The following KMT2E variants were observed in gnomAD, a reference collection of about 807,000 sequenced individuals.
KMT2E encodes lysine methyltransferase 2E (inactive).
A neutral mutation model predicts 184.6 loss-of-function variants in KMT2E; 30 were observed. That is an observed-to-expected ratio of 0.16 (90% CI 0.12 to 0.22). The LOEUF is 0.22. Ranked by LOEUF, KMT2E falls within the 10% of genes least tolerant of loss-of-function variation. The pLI is 1.00. For synonymous variants in KMT2E, 815 were observed against 776.5 expected, an observed-to-expected ratio of 1.05 and a Z score of -0.82; for missense variants, 2,023 against 2,237.4, an observed-to-expected ratio of 0.90 and a Z score of 1.93.
rs769889726 is a variant in KMT2E, at chr7:105,074,820, G to A, written c.729+5G>A. 4.0e-5 allele frequency: 64 copies of A among 1,589,992 alleles called. No individual in the cohort carries two copies. Among genetic ancestry groups the A allele is most frequent in the South Asian group, 3.1e-4 (27 of 86,966 alleles). ...CACATTTCAAAATGTAAAAAGGTAC[G>A]TTTTTGCTTGTTTTTAGGTGAGTGG... On this transcript the variant is annotated splice_donor_5th_base_variant and intron_variant, in intron 8 of 26. Coordinates refer to ENST00000311117, the MANE Select transcript of KMT2E (RefSeq NM_182931.3).
intron 3 of KMT2E, among the ~76,000 whole-genome samples, chr7:105,050,181 C>A (rs993578747): frequency 6.6e-6 from 1 of 152,208 alleles, no homozygotes; most frequent in African/African-American, 2.4e-5. Flanking sequence ...TTGCACAACA[C>A]TACTATAACC....
Position 105,062,278 on chromosome 7 carries a change from G to A in KMT2E, c.186G>A (p.Ala62=). 6.3e-7 allele frequency: 1 copy of A among 1,593,426 alleles called. No individual in the cohort carries two copies. Among genetic ancestry groups the A allele is most frequent in the Non-Finnish European group, 8.6e-7 (1 of 1,163,946 alleles). Reference sequence around the variant, plus strand: ...ACAGTTACATTGGTTTGCCCTATGCGGTAAGTGTTAAACACTTCTTTGAAA... The same window carrying A: ...ACAGTTACATTGGTTTGCCCTATGCAGTAAGTGTTAAACACTTCTTTGAAA... ...HSHSYIGLPY[A]DHNYGARPPP... The change falls in exon 4 of 27, where the codon GCG becomes GCA. Residue 62 remains alanine (A), a splice_region_variant and synonymous_variant. Coordinates refer to ENST00000311117, the MANE Select transcript of KMT2E (RefSeq NM_182931.3).
intron 6 of KMT2E, among the ~76,000 whole-genome samples, chr7:105,067,560 A>C (rs550833699): frequency 4.6e-5 from 7 of 152,212 alleles, no homozygotes; most frequent in African/African-American, 1.7e-4. Context: ...CTCCCTTTAC[A>C]TGTTGTTTTA....
Position 105,041,003 on chromosome 7 carries a change from G to A in KMT2E, c.51G>A (p.Leu17=). 1 of 1,605,434 alleles carries A rather than the reference G, an allele frequency of 6.2e-7. No individual in the cohort carries two copies. Among genetic ancestry groups the A allele is most frequent in the Non-Finnish European group, 8.5e-7 (1 of 1,175,998 alleles). ...LGVDTAETSY[L]EMAAGSEPES... Reference sequence around the variant, plus strand: ...TTGATACAGCAGAGACGTCATACTTGGAAATGGCTGCAGGTTCAGAGTAAG... The same window carrying A: ...TTGATACAGCAGAGACGTCATACTTAGAAATGGCTGCAGGTTCAGAGTAAG... The change falls in exon 3 of 27, where the codon TTG becomes TTA. Residue 17 remains leucine (L), a synonymous_variant. Transcript: ENST00000311117.
rs531732011 is a variant in KMT2E, at chr7:105,027,519, A to G, written c.-188-10607A>G. ...TTTGAAGTTCAAGGCAGGCTACTCT[A>G]AAAGCTCATGTGTGTTTGCATACTG... is the stretch of plus-strand genomic sequence containing the variant. On this transcript the variant is annotated intron_variant, in intron 1 of 26. Transcript: ENST00000311117. Among the ~76,000 whole-genome samples, 17 of 152,280 alleles carry G rather than the reference A, an allele frequency of 1.1e-4. No individual in the cohort carries two copies. In the South Asian group the frequency reaches 3.5e-3, roughly 32 times the overall value.
Position 105,107,354 on chromosome 7 carries a change from G to A in KMT2E, c.2905-8G>A. ...TTTGTGTAATTTTTTTTTTTAATTT[G>A]TAAACAGGGATATGACAGATCTTCA... On this transcript the variant is annotated splice_polypyrimidine_tract_variant and splice_region_variant and intron_variant, in intron 21 of 26. Coordinates refer to ENST00000311117, the MANE Select transcript of KMT2E (RefSeq NM_182931.3). 6.5e-7 allele frequency: 1 copy of A among 1,542,414 alleles called. No homozygotes were observed. Among genetic ancestry groups the A allele is most frequent in the Non-Finnish European group, 8.7e-7 (1 of 1,146,738 alleles).
chr7:105,014,576 G>A (rs1794628853), intron 1 of KMT2E, 41 bp downstream of exon 1: 2 of 152,206 alleles, frequency 1.3e-5, no homozygotes, highest in African/African-American at 4.8e-5. Context: ...TGGGGCTTGC[G>A]GGGTTGGGGT....
intron 1 of KMT2E, among the ~76,000 whole-genome samples, chr7:105,020,977 A>G (rs1200137925): frequency 6.6e-6 from 1 of 152,246 alleles, no homozygotes; most frequent in Non-Finnish European, 1.5e-5. Flanking sequence ...TCAGAGACTA[A>G]TATATGTAAT....
In KMT2E at chr7:105,014,268, G is replaced by T; in HGVS notation, c.-456G>T. The T allele has an allele frequency of 5.7e-6, 1 of 174,270 alleles. No homozygotes were observed. Among genetic ancestry groups the T allele is most frequent in the South Asian group, 1.3e-4 (1 of 7,770 alleles). 10.8% of individuals were successfully genotyped at this position (174,270 alleles called of 1,614,324 possible). On this transcript the variant is annotated 5_prime_UTR_variant, in exon 1 of 27. Coordinates refer to ENST00000311117, the MANE Select transcript of KMT2E (RefSeq NM_182931.3). ...CGAGTCGGAGACCGTGCCGGAGTTC[G>T]GGAGCGGCAACAGAGTGGGCATAGA...
chr7:105,015,691 G>C (rs956317220), intron 1 of KMT2E, among the ~76,000 whole-genome samples: 1 of 152,090 alleles, frequency 6.6e-6, no homozygotes, highest in Non-Finnish European at 1.5e-5. Context: ...CCAGGCTGAT[G>C]TTGTGGTAAT....
rs539315862 is a variant in KMT2E, at chr7:105,078,489, G to A, written c.1131-357G>A. Among the ~76,000 whole-genome samples, 5 of 151,828 alleles carry A rather than the reference G, an allele frequency of 3.3e-5. No homozygotes were observed. In the South Asian group the frequency reaches 8.3e-4, roughly 25 times the overall value. On this transcript the variant is annotated intron_variant, in intron 11 of 26. Coordinates refer to ENST00000311117, the MANE Select transcript of KMT2E (RefSeq NM_182931.3). ...TGCCTCTGAAGAGTAACAGATTATTGTCCTAAAATGTTGACTTTTGTTTGT... is the reference window on the plus strand; with the variant it reads ...TGCCTCTGAAGAGTAACAGATTATTATCCTAAAATGTTGACTTTTGTTTGT...
At chr7:105,050,202 T>A (rs923588300) in intron 3 of KMT2E, among the ~76,000 whole-genome samples, 1 of 152,238 alleles carries the variant, frequency 6.6e-6, no homozygotes, top group Non-Finnish European at 1.5e-5. Flanking sequence ...TCCTGTGTTG[T>A]CAAACTAATT....
At chr7:105,021,138 C>T (rs1459328286) in intron 1 of KMT2E, among the ~76,000 whole-genome samples, 3 of 152,170 alleles carry the variant, frequency 2.0e-5, no homozygotes, top group Non-Finnish European at 4.4e-5. Context: ...CATGATGTGA[C>T]TAATTTGAAT....
At position 105,113,307 on chromosome 7, in the gene KMT2E, A is replaced by G. The variant is rs2129570305; in HGVS notation, c.5551A>G (p.Asn1851Asp). 2 of 1,612,732 alleles carry G rather than the reference A, an allele frequency of 1.2e-6. No homozygotes were observed. The highest frequency in any genetic ancestry group is 1.7e-6 in the Non-Finnish European group (2 of 1,178,878). Reference sequence around the variant, plus strand: ...ACAGGTGCCACCAACATTTCAAAACAATTACCATGGGTCAGGGTGGCATTA... The same window carrying G: ...ACAGGTGCCACCAACATTTCAAAACGATTACCATGGGTCAGGGTGGCATTA... ...RAQVPPTFQNNYHGSGWH is the reference protein window; with the variant it reads ...RAQVPPTFQNDYHGSGWH Residue 1851 changes from asparagine to aspartate, a missense_variant, in exon 27 of 27, where the codon AAT (asparagine) becomes GAT (aspartate). Around this residue, in one of 8 missense-constraint regions of KMT2E, gnomAD observed 1,108 missense variants for 1,050.9 expected, o/e 1.05. Coordinates refer to ENST00000311117, the MANE Select transcript of KMT2E (RefSeq NM_182931.3).
chr7:105,067,496 C>A lies in KMT2E; in HGVS notation c.497+689C>A, dbSNP rs1163634529. ...ATAATAAACTCACATTTCCACCACC[C>A]TACCTCAGTAATTATCGACATTCTT... On this transcript the variant is annotated intron_variant, in intron 6 of 26. Coordinates refer to ENST00000311117, the MANE Select transcript of KMT2E (RefSeq NM_182931.3). Among the ~76,000 whole-genome samples, 3 of 152,224 alleles carry A rather than the reference C, an allele frequency of 2.0e-5. No individual in the cohort carries two copies. The South Asian group carries it at 6.2e-4, about 32-fold the overall frequency.
intron 15 of KMT2E, among the ~76,000 whole-genome samples, chr7:105,096,119 G>A: frequency 6.6e-6 from 1 of 151,872 alleles, no homozygotes; most frequent in East Asian, 1.9e-4. Flanking sequence ...GCCAGGCATG[G>A]TGGCACATGC....
At chr7:105,025,307 A>G (rs981645347) in intron 1 of KMT2E, among the ~76,000 whole-genome samples, 2 of 152,116 alleles carry the variant, frequency 1.3e-5, no homozygotes, top group African/African-American at 4.8e-5. Context: ...AATAGAGCCT[A>G]TTTCATAGTG....
Position 105,111,956 on chromosome 7 carries a change from A to G in KMT2E, c.4200A>G (p.Gln1400=), listed in dbSNP as rs1368094015. Residue 1400 remains glutamine (Q), a synonymous_variant, in exon 27 of 27, where the codon CAA becomes CAG. Coordinates refer to ENST00000311117, the MANE Select transcript of KMT2E (RefSeq NM_182931.3). ...GTGTTCACCTAAAAACAGAGCTCCA[A>G]CAAAAACAGCTATCAAATAACAACC... ...ENGVHLKTEL[Q]QKQLSNNNQA... The G allele has an allele frequency of 6.2e-7, 1 of 1,614,198 alleles. No individual in the cohort carries two copies. Among genetic ancestry groups the G allele is most frequent in the Non-Finnish European group, 8.5e-7 (1 of 1,180,034 alleles).
intron 5 of KMT2E, among the ~76,000 whole-genome samples, chr7:105,065,551 T>G (rs1489115821): frequency 3.3e-5 from 5 of 152,190 alleles, no homozygotes; most frequent in Non-Finnish European, 7.4e-5. Flanking sequence ...TACTGAACCC[T>G]ACAGTACTTT....
Sources: gnomAD v4.1 joint callset for allele counts (sites outside exome capture counted in the v4.1 genomes callset) on GRCh38, gnomAD v4.1.1 for gene constraint, gnomAD v4.1.1 regional missense constraint, MANE v1.5 for transcripts, NCBI Gene and HGNC (gene_info 2026-07-23, HGNC 2026-07-21) for gene names.